The following CREB3L1 variants were observed in gnomAD, a reference collection of about 807,000 sequenced individuals.
CREB3L1 encodes cyclic AMP-responsive element-binding protein 3-like protein 1.
In CREB3L1, 33 loss-of-function variants were observed where a neutral mutation model predicts 54.5. The observed-to-expected ratio is 0.61, with a 90% CI of 0.46 to 0.81. The LOEUF is 0.81. CREB3L1 is among the 30% of genes least tolerant of loss of function. CREB3L1 has a pLI of 0.00. For missense variants in CREB3L1, 656 were observed against 673.3 expected, an observed-to-expected ratio of 0.97 and a Z score of 0.29; for synonymous variants, 284 against 286.4, an observed-to-expected ratio of 0.99 and a Z score of 0.08.
At chr11:46,297,899 T>C (rs961958979) in intron 1 of CREB3L1, among the ~76,000 whole-genome samples, 4 of 152,234 alleles carry the variant, frequency 2.6e-5, no homozygotes, top group African/African-American at 9.6e-5. Flanking sequence ...ATTCACTCTG[T>C]AGCAGGCACT....
rs1448313460 is a variant in CREB3L1 at position 46,320,493 on chromosome 11, C to T, written c.1488C>T (p.Pro496=). The T allele has an allele frequency of 6.9e-6, 11 of 1,587,644 alleles. No individual in the cohort carries two copies. The highest frequency in any genetic ancestry group is 9.4e-6 in the Non-Finnish European group (11 of 1,167,778). Residue 496 remains proline (P), a synonymous_variant, in exon 11 of 12, where the codon CCC becomes CCT. Coordinates refer to ENST00000621158, the MANE Select transcript of CREB3L1 (RefSeq NM_052854.4). The part of the protein sequence containing the change: ...WPKDGGNGTS[P]DFSHSKEWFH... ...AAGACGGTGGAAACGGCACCAGCCC[C>T]GACTTCTCCCACTCCAAGGAGTGGT...
At chr11:46,288,147 ACCT>A (rs1939082583) in intron 1 of CREB3L1, among the ~76,000 whole-genome samples, 1 of 151,314 alleles carries the variant, frequency 6.6e-6, no homozygotes, top group South Asian at 2.1e-4. Context: ...CAATGGCGCG[ACCT>A]CCACTCACTG....
intron 1 of CREB3L1, among the ~76,000 whole-genome samples, chr11:46,291,173 C>T (rs1939124091): frequency 6.6e-6 from 1 of 152,184 alleles, no homozygotes; most frequent in Non-Finnish European, 1.5e-5. Context: ...TTCTCTTCTC[C>T]TTGGAAGGGA....
chr11:46,316,369 C>T lies in CREB3L1; in HGVS notation c.1115C>T (p.Thr372Ile), dbSNP rs1386305317. ...CCTTACAAGATGGCCGCCACCCAGA[C>T]TGGGACCTGCCTCATGGTAGGTGTG... The part of the protein sequence containing the change: ...SRPYKMAATQ[T>I]GTCLMVAALC... The change falls in exon 9 of 12, where the codon ACT (threonine) becomes ATT (isoleucine). Residue 372 changes from threonine (T) to isoleucine (I), a missense_variant. Transcript: ENST00000621158. 2.6e-6 allele frequency: 4 copies of T among 1,566,464 alleles called. No homozygotes were observed. The highest frequency in any genetic ancestry group is 3.5e-6 in the Non-Finnish European group (4 of 1,155,168).
In CREB3L1 at chr11:46,295,597, C is replaced by A. The variant is rs901715784; in HGVS notation, c.103-4338C>A. On this transcript the variant is annotated intron_variant, in intron 1 of 11. Coordinates refer to ENST00000621158, the MANE Select transcript of CREB3L1 (RefSeq NM_052854.4). The surrounding 1 kb of genome is among the most constrained non-coding windows in gnomAD (Gnocchi z 4.6). ...GGCCGTCGGCGCAGGCCGGGACCCT[C>A]CTCCGCGCGAGCCCTGCACTCCTCC... 1.3e-5 allele frequency among the ~76,000 whole-genome samples: 2 copies of A among 152,250 alleles called. No homozygotes were observed. The highest frequency in any genetic ancestry group is 2.4e-5 in the African/African-American group (1 of 41,480).
At chr11:46,304,104 G>T (rs1287045505) in intron 2 of CREB3L1, among the ~76,000 whole-genome samples, 1 of 152,236 alleles carries the variant, frequency 6.6e-6, no homozygotes, top group Non-Finnish European at 1.5e-5. Flanking sequence ...GGTCTTGAGT[G>T]AATTTCTTAA....
At chr11:46,312,221 G>A in intron 5 of CREB3L1, 104 bp from the exon 6 acceptor site, 1 of 948,098 alleles carries the variant, frequency 1.1e-6, no homozygotes, top group Non-Finnish European at 1.6e-6. Flanking sequence ...CTGAGGCATA[G>A]AGCATTGTGT....
chr11:46,281,631 G>A (rs546629752), intron 1 of CREB3L1, among the ~76,000 whole-genome samples: 34 of 152,308 alleles, frequency 2.2e-4, no homozygotes, highest in Non-Finnish European at 4.1e-4. Context: ...GCGGGGAGGC[G>A]GTGGGGGCTA....
chr11:46,314,344 A>G (rs61882671), intron 8 of CREB3L1, among the ~76,000 whole-genome samples: 38,101 of 151,962 alleles, frequency 0.25, 5,830 homozygotes, highest in African/African-American at 0.44. Context: ...TGGCATTTAG[A>G]AATGTGCAAT....
intron 4 of CREB3L1, 72 bp from the exon 5 acceptor site, chr11:46,310,960 C>T (rs1939475647): frequency 6.7e-7 from 1 of 1,491,460 alleles, no homozygotes; most frequent in Non-Finnish European, 8.9e-7. Context: ...AGCTCATGCT[C>T]AGCTGAACTC....
At chr11:46,291,546 C>T (rs763169876) in intron 1 of CREB3L1, among the ~76,000 whole-genome samples, 4 of 152,188 alleles carry the variant, frequency 2.6e-5, no homozygotes, top group Non-Finnish European at 5.9e-5. Context: ...TGCCTCTTCA[C>T]GTAAGAGGGG....
chr11:46,301,004 CA>C (rs57840608), intron 2 of CREB3L1, among the ~76,000 whole-genome samples: 1,148 of 37,674 alleles, frequency 0.03, 5 homozygotes, highest in Non-Finnish European at 0.042. Flanking sequence ...GACTCCATCT[CA>C]AAAAAAAAAA....
At chr11:46,280,589 G>A (rs1478102523) in intron 1 of CREB3L1, among the ~76,000 whole-genome samples, 3 of 152,184 alleles carry the variant, frequency 2.0e-5, no homozygotes, top group African/African-American at 7.2e-5. Context: ...GAAAATTAAA[G>A]TGAAGGTTAT....
At chr11:46,279,115 T>C (rs1411049073) in intron 1 of CREB3L1, among the ~76,000 whole-genome samples, 1 of 152,168 alleles carries the variant, frequency 6.6e-6, no homozygotes, top group Non-Finnish European at 1.5e-5. Context: ...TTGGGGAGTC[T>C]AGTGGGAGCC....
chr11:46,305,781 A>C (rs1358993388), intron 2 of CREB3L1, among the ~76,000 whole-genome samples: 3 of 146,224 alleles, frequency 2.1e-5, no homozygotes, highest in Non-Finnish European at 3.0e-5. Context: ...TCTGTCGCCC[A>C]GGCTGGAGTG....
chr11:46,315,117 T>A, intron 8 of CREB3L1: 1 of 232,460 alleles, frequency 4.3e-6, no homozygotes, highest in Non-Finnish European at 8.9e-6. Flanking sequence ...AGCCTTGGTA[T>A]GCAGCAGGTG....
chr11:46,297,173 A>T (rs1939222618), intron 1 of CREB3L1, among the ~76,000 whole-genome samples: 1 of 152,194 alleles, frequency 6.6e-6, no homozygotes, highest in South Asian at 2.1e-4. Flanking sequence ...CCCAGCCGGC[A>T]GGCCCGGGCT....
rs528282011 is a variant in CREB3L1 at position 46,281,569 on chromosome 11, C to G, written c.102+3356C>G. On this transcript the variant is annotated intron_variant, in intron 1 of 11. Coordinates refer to ENST00000621158, the MANE Select transcript of CREB3L1 (RefSeq NM_052854.4). ...CAGCACACCCGTTTACTCCCTGCAGCTGGGGAGGCCAGGTGTGGGAGTGAC... is the reference window on the plus strand; with the variant it reads ...CAGCACACCCGTTTACTCCCTGCAGGTGGGGAGGCCAGGTGTGGGAGTGAC... 1.1e-4 allele frequency among the ~76,000 whole-genome samples: 17 copies of G among 152,336 alleles called. No individual in the cohort carries two copies. The South Asian group carries it at 3.5e-3, about 32-fold the overall frequency.
rs1425092489 is a variant in CREB3L1 at position 46,307,705 on chromosome 11, CT to C, written c.332-110del. 2.5e-5 allele frequency: 22 copies of C among 875,728 alleles called. No homozygotes were observed. In the East Asian group the frequency reaches 5.2e-4, roughly 21 times the overall value. 54.2% of individuals were successfully genotyped at this position (875,728 alleles called of 1,614,324 possible). A position where few individuals can be genotyped will look rare whatever the true frequency, so the allele number is the denominator to read the frequency against. Reference sequence around the variant, plus strand: ...AACCACCCTCTTTCCTGCCTGCCCCCTGGTCTACCCTAACAGCTCTCTTCAG... The same window carrying C: ...AACCACCCTCTTTCCTGCCTGCCCCCGGTCTACCCTAACAGCTCTCTTCAG... On this transcript the variant is annotated intron_variant, in intron 2 of 11. Transcript: ENST00000621158.
Sources: allele counts gnomAD v4.1 joint callset (sites outside exome capture counted in the v4.1 genomes callset), GRCh38; gene constraint gnomAD v4.1.1; non-coding constraint Gnocchi (gnomAD v3.1); transcripts MANE v1.5; gene names NCBI Gene and HGNC (gene_info 2026-07-23, HGNC 2026-07-21).